AFG2A: variants seen among roughly 807,000 people sequenced by gnomAD.
The protein encoded by AFG2A is ATPase family gene 2 protein homolog A.
chr4:123,133,024 C>T, the AFG2A span, among the ~76,000 whole-genome samples: 1 of 152,288 alleles, frequency 6.6e-6, no homozygotes, highest in East Asian at 1.9e-4. Context: ...TCATGATCCG[C>T]CCGCCTAGGC....
chr4:122,947,293 G>T, the AFG2A span: 1 of 1,612,836 alleles, frequency 6.2e-7, no homozygotes, highest in East Asian at 2.2e-5. Flanking sequence ...TGCCTTGGAT[G>T]CTGCTCTCCG....
At chr4:122,967,729 G>A in the AFG2A span, among the ~76,000 whole-genome samples, 45 of 151,904 alleles carry the variant, frequency 3.0e-4, no homozygotes, top group Admixed American at 2.0e-3. Context: ...TCTTAAACTC[G>A]TGGCCTCAAG....
the AFG2A span, among the ~76,000 whole-genome samples, chr4:122,987,128 G>A: frequency 6.6e-6 from 1 of 151,804 alleles, no homozygotes; most frequent in African/African-American, 2.4e-5. Flanking sequence ...TATAAGTATA[G>A]CCACCCCTGC....
the AFG2A span, among the ~76,000 whole-genome samples, chr4:122,952,791 G>A: frequency 6.6e-6 from 1 of 152,170 alleles, no homozygotes; most frequent in African/African-American, 2.4e-5. Flanking sequence ...AATGCAAATT[G>A]GTCTTGACTC....
the AFG2A span, among the ~76,000 whole-genome samples, chr4:123,154,166 T>C: frequency 6.6e-6 from 1 of 151,888 alleles, no homozygotes; most frequent in East Asian, 1.9e-4. Context: ...AGATGGAAGC[T>C]TGAAAGAAAT....
At chr4:123,027,615 C>T in the AFG2A span, among the ~76,000 whole-genome samples, 39 of 152,134 alleles carry the variant, frequency 2.6e-4, no homozygotes, top group Non-Finnish European at 2.4e-4. Context: ...ATTCCTGTCT[C>T]ATTATTCTAT....
chr4:123,114,573 G>A, the AFG2A span, among the ~76,000 whole-genome samples: 1 of 152,198 alleles, frequency 6.6e-6, no homozygotes, highest in Non-Finnish European at 1.5e-5. Context: ...GGACCAGGAA[G>A]AGGCCAGGCA....
At chr4:123,048,137 C>A in the AFG2A span, among the ~76,000 whole-genome samples, 3 of 152,120 alleles carry the variant, frequency 2.0e-5, no homozygotes, top group Non-Finnish European at 4.4e-5. Context: ...AGTGTGTGTT[C>A]TTGATGCCCT....
the AFG2A span, among the ~76,000 whole-genome samples, chr4:123,048,046 A>C: frequency 6.6e-6 from 1 of 152,104 alleles, no homozygotes. Context: ...TTTGTGGTGA[A>C]AAATGTGGAT....
At chr4:123,149,796 A>G in the AFG2A span, among the ~76,000 whole-genome samples, 2 of 118,144 alleles carry the variant, frequency 1.7e-5, no homozygotes, top group South Asian at 2.8e-4. Context: ...TTTAGGAAAT[A>G]GCTTTTTTTT....
At chr4:123,266,653 G>T in the AFG2A span, among the ~76,000 whole-genome samples, 1 of 151,106 alleles carries the variant, frequency 6.6e-6, no homozygotes, top group Non-Finnish European at 1.5e-5. Context: ...TTTTTTCCTT[G>T]TTAAAGATGT....
chr4:123,074,224 A>T, the AFG2A span, among the ~76,000 whole-genome samples: 1 of 150,422 alleles, frequency 6.6e-6, no homozygotes, highest in Non-Finnish European at 1.5e-5. Flanking sequence ...CCTCCTGAAT[A>T]GCTGGGATTA....
chr4:123,046,070 G>A, the AFG2A span, among the ~76,000 whole-genome samples: 9 of 151,092 alleles, frequency 6.0e-5, no homozygotes, highest in East Asian at 1.9e-4. Context: ...GCCCTCCAGC[G>A]TGGGTGATAG....
At chr4:122,965,754 C>T in the AFG2A span, among the ~76,000 whole-genome samples, 1 of 151,994 alleles carries the variant, frequency 6.6e-6, no homozygotes, top group Non-Finnish European at 1.5e-5. Context: ...GTACATGTGT[C>T]CATTTGTTCT....
At chr4:123,180,080 C>G in the AFG2A span, among the ~76,000 whole-genome samples, 117 of 152,044 alleles carry the variant, frequency 7.7e-4, no homozygotes, top group African/African-American at 2.7e-3. Context: ...ATTAGCTGGG[C>G]ATGGTGGCAA....
chr4:123,146,474 G>A, the AFG2A span, among the ~76,000 whole-genome samples: 1 of 152,184 alleles, frequency 6.6e-6, no homozygotes, highest in Non-Finnish European at 1.5e-5. Context: ...AGAGATCAGA[G>A]TAGGTGAAAA....
the AFG2A span, among the ~76,000 whole-genome samples, chr4:122,955,329 G>A: frequency 6.6e-6 from 1 of 152,200 alleles, no homozygotes; most frequent in African/African-American, 2.4e-5. Flanking sequence ...CCACCGTAAT[G>A]GCATTAATCC....
the AFG2A span, among the ~76,000 whole-genome samples, chr4:122,961,378 A>G: frequency 1.3e-5 from 2 of 152,238 alleles, no homozygotes; most frequent in Non-Finnish European, 2.9e-5. Context: ...AAGATAGGGA[A>G]CTCTGGCAGA....
At chr4:122,956,470 A>G in the AFG2A span, among the ~76,000 whole-genome samples, 2 of 152,228 alleles carry the variant, frequency 1.3e-5, no homozygotes, top group African/African-American at 2.4e-5. Context: ...TTAGAGGGGT[A>G]TAAGACTTTA....
Sources: allele counts gnomAD v4.1 joint callset (sites outside exome capture counted in the v4.1 genomes callset), GRCh38; gene constraint gnomAD v4.1.1; transcripts MANE v1.5; gene names NCBI Gene and HGNC (gene_info 2026-07-23, HGNC 2026-07-21).